ZNF257: variants seen among roughly 807,000 people sequenced by gnomAD.
The protein encoded by ZNF257 is bone marrow zinc finger 4.
ZNF257 carries 12 observed loss-of-function variants against 11.9 expected under a neutral mutation model. That is an observed-to-expected ratio of 1.01 (90% CI 0.65 to 1.63). The LOEUF is 1.63. Among genes scored for constraint, ZNF257 ranks in the 40% most tolerant of loss-of-function variants. ZNF257 has a pLI of 0.00. For synonymous variants in ZNF257, 183 were observed against 222.7 expected (o/e 0.82, Z 1.59); for missense variants, 580 against 665.5 (o/e 0.87, Z 1.41).
At chr19:22,080,050 G>C (rs1373466893) in intron 3 of ZNF257, among the ~76,000 whole-genome samples, 5 of 152,034 alleles carry the variant, frequency 3.3e-5, no homozygotes, top group Non-Finnish European at 7.4e-5. Flanking sequence ...CATGATTTTG[G>C]CTCACTGTCA....
At chr19:22,084,591 C>G (rs927662266) in intron 3 of ZNF257, among the ~76,000 whole-genome samples, 3 of 151,924 alleles carry the variant, frequency 2.0e-5, no homozygotes, top group African/African-American at 7.3e-5. Flanking sequence ...AACATCTATA[C>G]AATATTAATT....
intron 1 of ZNF257, among the ~76,000 whole-genome samples, chr19:22,056,204 C>T (rs941289455): frequency 6.6e-6 from 1 of 152,126 alleles, no homozygotes; most frequent in Admixed American, 6.6e-5. Flanking sequence ...GTAATCTTAG[C>T]ACTTTGGGAG....
At chr19:22,064,869 C>T (rs1258202765) in intron 1 of ZNF257, among the ~76,000 whole-genome samples, 2 of 152,204 alleles carry the variant, frequency 1.3e-5, no homozygotes, top group East Asian at 3.9e-4. Context: ...GCCTGGCCAA[C>T]ATGGCGAAAC....
intron 1 of ZNF257, among the ~76,000 whole-genome samples, chr19:22,067,004 AC>A (rs2021965550): frequency 6.6e-6 from 1 of 151,806 alleles, no homozygotes; most frequent in Non-Finnish European, 1.5e-5. Context: ...GTCTAGAATT[AC>A]CAGACATGAT....
rs1402439307 is a variant in ZNF257, at chr19:22,063,335, G to GTT, written c.4-9471_4-9470dup. On this transcript the variant is annotated intron_variant, in intron 1 of 3. Transcript: ENST00000594947. ...CCTGGATTTCTTGATCTTTTGTATAGTTTTACATGTCTAAGTCTCCTTCAG... is the reference window on the plus strand; with the variant it reads ...CCTGGATTTCTTGATCTTTTGTATAGTTTTTTACATGTCTAAGTCTCCTTCAG... Among the ~76,000 whole-genome samples the GTT allele has an allele frequency of 4.6e-5, 7 of 151,974 alleles. 1 individual carries two copies. The highest frequency in any genetic ancestry group is 1.7e-4 in the African/African-American group (7 of 41,386).
At chr19:22,083,241 G>C (rs1393120473) in intron 3 of ZNF257, among the ~76,000 whole-genome samples, 1 of 152,058 alleles carries the variant, frequency 6.6e-6, no homozygotes, top group Non-Finnish European at 1.5e-5. Context: ...AGGGCGACGT[G>C]GGTGGATAAC....
intron 3 of ZNF257, among the ~76,000 whole-genome samples, chr19:22,079,103 G>A (rs746832631): frequency 2.0e-4 from 31 of 152,090 alleles, no homozygotes; most frequent in Non-Finnish European, 4.0e-4. Flanking sequence ...CTGGTATCCA[G>A]TTTTCAACAT....
At chr19:22,063,266 T>C (rs1310214411) in intron 1 of ZNF257, among the ~76,000 whole-genome samples, 1 of 152,218 alleles carries the variant, frequency 6.6e-6, no homozygotes, top group Non-Finnish European at 1.5e-5. Flanking sequence ...TTCATTAATC[T>C]AGCCAGTAGT....
At position 22,072,861 on chromosome 19, in the gene ZNF257, A is replaced by G. The variant is rs765929963; in HGVS notation, c.56A>G (p.His19Arg). 14 of 1,613,458 alleles carry G rather than the reference A, an allele frequency of 8.7e-6. No homozygotes were observed. The highest frequency in any genetic ancestry group is 1.2e-5 in the Non-Finnish European group (14 of 1,179,682). Residue 19 changes from histidine (H) to arginine (R), a missense_variant, in exon 2 of 4, where the codon CAT becomes CGT. Transcript: ENST00000594947. ...GTAGAATTCTCTCTGGAGGAGTGGCATTGCCTGGACACTGCACAGCAGAAT... is the reference window on the plus strand; with the variant it reads ...GTAGAATTCTCTCTGGAGGAGTGGCGTTGCCTGGACACTGCACAGCAGAAT... ...VTVEFSLEEW[H>R]CLDTAQQNLY...
At chr19:22,053,007 T>C (rs1971737137) in intron 1 of ZNF257, among the ~76,000 whole-genome samples, 1 of 152,194 alleles carries the variant, frequency 6.6e-6, no homozygotes, top group African/African-American at 2.4e-5. Context: ...TGTGGGGTTC[T>C]GAGTCTCTCT....
chr19:22,090,194 T>C lies in ZNF257; in HGVS notation c.*752T>C, dbSNP rs1307948314. On this transcript the variant is annotated 3_prime_UTR_variant, in exon 4 of 4. Transcript: ENST00000594947. ...TCATACTTAATAAAAGTATTATAAA[T>C]ACAATTACTGTCAAATGATCTTTCA... The C allele has an allele frequency of 2.6e-5, 4 of 152,128 alleles. No homozygotes were observed. The highest frequency in any genetic ancestry group is 5.9e-5 in the Non-Finnish European group (4 of 68,006). The allele number at this position is 152,128 out of a possible 1,614,324, so 9.4% of individuals were successfully genotyped here. A position where few individuals can be genotyped will look rare whatever the true frequency, so the allele number is the denominator to read the frequency against.
intron 1 of ZNF257, among the ~76,000 whole-genome samples, chr19:22,058,177 T>C (rs116220073): frequency 2.8e-4 from 42 of 152,192 alleles, no homozygotes; most frequent in African/African-American, 9.7e-4. Flanking sequence ...GGTGTTTCTT[T>C]CCATGAACTG....
At chr19:22,078,426 T>C (rs1180677214) in intron 3 of ZNF257, among the ~76,000 whole-genome samples, 1 of 152,130 alleles carries the variant, frequency 6.6e-6, no homozygotes, top group Non-Finnish European at 1.5e-5. Context: ...AATCAACTTA[T>C]TCAACTGTAT....
At chr19:22,079,185 T>C (rs1045652139) in intron 3 of ZNF257, among the ~76,000 whole-genome samples, 2 of 152,196 alleles carry the variant, frequency 1.3e-5, no homozygotes, top group African/African-American at 2.4e-5. Context: ...TTTGATCTTT[T>C]AAAGGGGGGT....
Position 22,052,562 on chromosome 19 carries a change from C to A in ZNF257, c.-71C>A. 6.4e-7 allele frequency: 1 copy of A among 1,566,794 alleles called. No individual in the cohort carries two copies. The highest frequency in any genetic ancestry group is 8.7e-7 in the Non-Finnish European group (1 of 1,143,760). On this transcript the variant is annotated 5_prime_UTR_variant, in exon 1 of 4. In the 5' UTR this introduces an upstream ATG that the reference lacks. Transcript: ENST00000594947. Reference sequence around the variant, plus strand: ...TCCTCTTCTCCTAGGGGCCCAGCCTCTGTGGCCCTGTGACCTGCAGGTATT... The same window carrying A: ...TCCTCTTCTCCTAGGGGCCCAGCCTATGTGGCCCTGTGACCTGCAGGTATT...
intron 1 of ZNF257, among the ~76,000 whole-genome samples, chr19:22,053,553 T>C (rs539847863): frequency 4.0e-4 from 61 of 152,306 alleles, no homozygotes; most frequent in Non-Finnish European, 7.8e-4. Context: ...CATTTCCTTG[T>C]TATGTAATCA....
chr19:22,057,288 G>GA (rs948476754), intron 1 of ZNF257, among the ~76,000 whole-genome samples: 48 of 152,018 alleles, frequency 3.2e-4, no homozygotes, highest in African/African-American at 1.1e-3. Flanking sequence ...AAAACCAAGT[G>GA]AGTAACTCTG....
rs2145702762 is a variant in ZNF257, at chr19:22,072,853, G to A, written c.48G>A (p.Glu16=). The change falls in exon 2 of 4, where the codon GAG becomes GAA. Residue 16 remains glutamate (E), a synonymous_variant. Coordinates refer to ENST00000594947, the MANE Select transcript of ZNF257 (RefSeq NM_033468.4). ...IRDVTVEFSL[E]EWHCLDTAQQ... is the part of the protein sequence containing the mutation. ...ATGTGACTGTAGAATTCTCTCTGGA[G>A]GAGTGGCATTGCCTGGACACTGCAC... 1 of 1,613,388 alleles carries A rather than the reference G, an allele frequency of 6.2e-7. No homozygotes were observed. The highest frequency in any genetic ancestry group is 1.7e-5 in the Admixed American group (1 of 59,908).
intron 1 of ZNF257, among the ~76,000 whole-genome samples, chr19:22,056,971 TCA>T (rs1317729184): frequency 2.0e-5 from 3 of 152,198 alleles, no homozygotes; most frequent in African/African-American, 7.2e-5. Context: ...CATAAAAGCA[TCA>T]GTTTCTTTTT....
Sources: gnomAD v4.1 joint callset for allele counts (sites outside exome capture counted in the v4.1 genomes callset) on GRCh38, gnomAD v4.1.1 for gene constraint, MANE v1.5 for transcripts, NCBI Gene and HGNC (gene_info 2026-07-23, HGNC 2026-07-21) for gene names.